PKHD1: variants seen among roughly 807,000 people sequenced by gnomAD.
PKHD1 encodes the protein PKHD1 ciliary IPT domain containing fibrocystin/polyductin.
A neutral mutation model predicts 412.0 loss-of-function variants in PKHD1; 291 were observed. The observed-to-expected ratio is 0.71, with a 90% CI of 0.64 to 0.78. The LOEUF (loss-of-function observed/expected upper bound fraction) is 0.78, where lower values mean the gene tolerates loss of function less well. Among genes scored for constraint, PKHD1 ranks in the 30% least tolerant of loss-of-function variants. The pLI, the probability that PKHD1 is intolerant of heterozygous loss-of-function variation, is 0.00. For synonymous variants in PKHD1, 1,777 were observed against 1,821.5 expected, an observed-to-expected ratio of 0.98 and a Z score of 0.62; for missense variants, 4,825 against 4,950.7, an observed-to-expected ratio of 0.97 and a Z score of 0.76.
chr6:51,997,148 C>T (rs920833894), intron 35 of PKHD1, among the ~76,000 whole-genome samples: 2 of 152,092 alleles, frequency 1.3e-5, no homozygotes, highest in Admixed American at 6.6e-5. Context: ...CCATGTGATA[C>T]GAATAGGAAA....
intron 60 of PKHD1, among the ~76,000 whole-genome samples, chr6:51,706,494 A>AT (rs1554201001): frequency 6.6e-6 from 1 of 150,518 alleles, no homozygotes; most frequent in Non-Finnish European, 1.5e-5. Context: ...AAAAAAAAAA[A>AT]GGGTAACATG....
At chr6:51,940,503 G>C (rs1788320435) in intron 36 of PKHD1, among the ~76,000 whole-genome samples, 1 of 151,682 alleles carries the variant, frequency 6.6e-6, no homozygotes, top group Non-Finnish European at 1.5e-5. Context: ...CACAGCCCGG[G>C]ATTCCTCCTA....
chr6:51,867,439 G>A (rs1775257421), intron 48 of PKHD1, among the ~76,000 whole-genome samples: 1 of 152,218 alleles, frequency 6.6e-6, no homozygotes, highest in South Asian at 2.1e-4. Flanking sequence ...GTAATAGGAG[G>A]CATCAGCAAT....
intron 52 of PKHD1, among the ~76,000 whole-genome samples, chr6:51,813,452 C>T (rs1170682091): frequency 6.6e-6 from 1 of 152,092 alleles, no homozygotes; most frequent in East Asian, 1.9e-4. Flanking sequence ...CTGATATTTC[C>T]TCAACATGCC....
At chr6:51,838,650 G>C (rs1769656113) in intron 50 of PKHD1, among the ~76,000 whole-genome samples, 1 of 152,136 alleles carries the variant, frequency 6.6e-6, no homozygotes, top group Admixed American at 6.5e-5. Flanking sequence ...GCATCTGGGG[G>C]CAGATGAGTA....
intron 53 of PKHD1, among the ~76,000 whole-genome samples, chr6:51,776,926 C>T (rs1342134638): frequency 3.3e-5 from 5 of 151,924 alleles, no homozygotes; most frequent in Non-Finnish European, 5.9e-5. Context: ...GTCAAATTAG[C>T]GTTAGTGAGT....
intron 35 of PKHD1, among the ~76,000 whole-genome samples, chr6:51,983,975 C>A: frequency 6.6e-6 from 1 of 152,200 alleles, no homozygotes; most frequent in East Asian, 1.9e-4. Context: ...TTTCTAGTCA[C>A]ACTGTTCTAA....
rs1218780155 is a variant in PKHD1 at position 51,627,132 on chromosome 6, AG to A, written c.11666-17del. The A allele has an allele frequency of 6.2e-7, 1 of 1,606,186 alleles. No individual in the cohort carries two copies. The highest frequency in any genetic ancestry group is 8.5e-7 in the Non-Finnish European group (1 of 1,175,764). On this transcript the variant is annotated splice_polypyrimidine_tract_variant and intron_variant, in intron 65 of 66. Coordinates refer to ENST00000371117, the MANE Select transcript of PKHD1 (RefSeq NM_138694.4). ...GGTTTTGTTTCTGTATTAATGGAGA[AG>A]AAAAAGGATTTTTTTGTTCAGTTGT... is the stretch of plus-strand genomic sequence containing the variant.
intron 52 of PKHD1, among the ~76,000 whole-genome samples, chr6:51,822,397 G>T (rs964716664): frequency 6.6e-6 from 1 of 152,024 alleles, no homozygotes; most frequent in East Asian, 1.9e-4. Flanking sequence ...CTCCATCATC[G>T]TGGTATTGCT....
chr6:51,820,673 T>G (rs1344868051), intron 52 of PKHD1, among the ~76,000 whole-genome samples: 1 of 152,160 alleles, frequency 6.6e-6, no homozygotes, highest in Non-Finnish European at 1.5e-5. Flanking sequence ...TATAAAATGT[T>G]AAGAACCCTT....
intron 60 of PKHD1, among the ~76,000 whole-genome samples, chr6:51,664,784 A>G (rs1476959481): frequency 6.6e-6 from 1 of 152,076 alleles, no homozygotes; most frequent in African/African-American, 2.4e-5. Context: ...CATTATTTTT[A>G]TTCCTATTTT....
intron 35 of PKHD1, among the ~76,000 whole-genome samples, chr6:52,001,832 T>G (rs971656901): frequency 1.3e-5 from 2 of 152,176 alleles, no homozygotes; most frequent in East Asian, 3.8e-4. Flanking sequence ...CAAGTTCTGA[T>G]TATGACAACA....
At chr6:51,934,502 C>T (rs1787166855) in intron 36 of PKHD1, among the ~76,000 whole-genome samples, 180 bp from the exon 37 acceptor site, 1 of 152,176 alleles carries the variant, frequency 6.6e-6, no homozygotes, top group Non-Finnish European at 1.5e-5. Context: ...AGTGGAAGCA[C>T]TATTATTTAG....
chr6:51,950,595 G>A (rs1176177816), intron 36 of PKHD1, among the ~76,000 whole-genome samples: 1 of 152,070 alleles, frequency 6.6e-6, no homozygotes, highest in Non-Finnish European at 1.5e-5. Flanking sequence ...GTTTACTGTA[G>A]AGCTCCCAAA....
intron 50 of PKHD1, among the ~76,000 whole-genome samples, chr6:51,837,868 T>C (rs934617669): frequency 1.3e-5 from 2 of 152,144 alleles, no homozygotes; most frequent in African/African-American, 4.8e-5. Flanking sequence ...AAAGCATGAG[T>C]TTGTGTCTTT....
At chr6:51,653,645 A>G (rs934914211) in intron 61 of PKHD1, among the ~76,000 whole-genome samples, 1 of 152,128 alleles carries the variant, frequency 6.6e-6, no homozygotes, top group African/African-American at 2.4e-5. Flanking sequence ...CCTTAGGTAT[A>G]ACTTGCAGTG....
At chr6:51,923,380 A>C (rs1583393720) in intron 37 of PKHD1, among the ~76,000 whole-genome samples, 2 of 152,298 alleles carry the variant, frequency 1.3e-5, no homozygotes, top group South Asian at 4.2e-4. Context: ...CAAAGCAGCC[A>C]TAGATAATAC....
intron 64 of PKHD1, among the ~76,000 whole-genome samples, chr6:51,637,801 G>A (rs927308834): frequency 1.3e-5 from 2 of 152,130 alleles, no homozygotes; most frequent in African/African-American, 4.8e-5. Context: ...TGACTCAGGA[G>A]GCTGAGGCAG....
rs557428670 is a variant in PKHD1 at position 51,678,860 on chromosome 6, C to T, written c.10157-18891G>A. Among the ~76,000 whole-genome samples the T allele has an allele frequency of 7.4e-4, 113 of 152,046 alleles. 1 individual carries two copies. The South Asian group carries it at 7.9e-3, about 11-fold the overall frequency. On this transcript the variant is annotated intron_variant, in intron 60 of 66. Transcript: ENST00000371117. Reference sequence around the variant, plus strand: ...TATTTAGCTAGCTAGCAAATCTTGCCTGCCAGCTTTAAACAAACTGATGTT... The same window carrying T: ...TATTTAGCTAGCTAGCAAATCTTGCTTGCCAGCTTTAAACAAACTGATGTT...
Sources: gnomAD v4.1 joint callset for allele counts (sites outside exome capture counted in the v4.1 genomes callset) on GRCh38, gnomAD v4.1.1 for gene constraint, MANE v1.5 for transcripts, NCBI Gene and HGNC (gene_info 2026-07-23, HGNC 2026-07-21) for gene names.